The following PLCH1 variants were observed in gnomAD, a reference collection of about 807,000 sequenced individuals.
PLCH1 encodes phospholipase C eta 1.
A neutral mutation model predicts 126.7 loss-of-function variants in PLCH1; 60 were observed. The ratio of observed to expected loss-of-function variants is 0.47; its 90% CI spans 0.38 to 0.59. PLCH1 has a LOEUF of 0.59. Ranked by LOEUF, PLCH1 falls within the 20% of genes least tolerant of loss-of-function variation. The probability of loss-of-function intolerance (pLI) is 0.00; values close to 1 mark genes in which losing one functional copy is unlikely to be tolerated. For synonymous variants in PLCH1, 719 were observed against 734.9 expected (o/e 0.98, Z 0.35); for missense variants, 1,723 against 2,040.0 (o/e 0.84, Z 2.99).
At chr3:155,653,146 GAT>G (rs1157002832) in intron 2 of PLCH1, among the ~76,000 whole-genome samples, 2 of 89,922 alleles carry the variant, frequency 2.2e-5, no homozygotes, top group African/African-American at 9.5e-5. Flanking sequence ...TATAGATATA[GAT>G]ATAGATATAG....
At chr3:155,630,872 T>C (rs561091069) in intron 2 of PLCH1, among the ~76,000 whole-genome samples, 2 of 152,306 alleles carry the variant, frequency 1.3e-5, no homozygotes, top group South Asian at 4.1e-4. Flanking sequence ...TAATATCCTA[T>C]GTACCCAAAA....
At chr3:155,568,589 A>G (rs1041123748) in intron 6 of PLCH1, among the ~76,000 whole-genome samples, 2 of 152,228 alleles carry the variant, frequency 1.3e-5, no homozygotes, top group Non-Finnish European at 2.9e-5. Flanking sequence ...AAATAAAATC[A>G]GTTATCAATG....
intron 10 of PLCH1, among the ~76,000 whole-genome samples, chr3:155,532,386 C>T (rs939951182): frequency 6.6e-6 from 1 of 152,132 alleles, no homozygotes; most frequent in Non-Finnish European, 1.5e-5. Flanking sequence ...AGGGAAGATC[C>T]ACCCTCGAAA....
intron 10 of PLCH1, among the ~76,000 whole-genome samples, chr3:155,531,836 C>G (rs991249349): frequency 2.0e-5 from 3 of 152,188 alleles, no homozygotes; most frequent in Non-Finnish European, 4.4e-5. Flanking sequence ...CCTCTCTCAG[C>G]CTTCACAAAA....
At position 155,480,073 on chromosome 3, in the gene PLCH1, T is replaced by C. The variant is rs1470295479; in HGVS notation, c.*895A>G. The C allele has an allele frequency of 6.6e-6, 1 of 152,618 alleles. No individual in the cohort carries two copies. Among genetic ancestry groups the C allele is most frequent in the East Asian group, 1.9e-4 (1 of 5,192 alleles). The allele number at this position is 152,618 out of a possible 1,614,324, so 9.5% of individuals were successfully genotyped here. ...CCTGAAGGAAAAGGGTTTCTTCTAA[T>C]TATCTGTTCACTTGGATTTTATTAT... is the stretch of plus-strand genomic sequence containing the variant. On this transcript the variant is annotated 3_prime_UTR_variant, in exon 23 of 23. Transcript: ENST00000460012.
chr3:155,676,380 T>C (rs1744089353), intron 2 of PLCH1: 1 of 1,037,228 alleles, frequency 9.6e-7, no homozygotes. Flanking sequence ...GAGACATGCA[T>C]GCTTCGTGCA....
chr3:155,523,857 C>A, intron 11 of PLCH1, 40 bp downstream of exon 11: 1 of 1,137,118 alleles, frequency 8.8e-7, no homozygotes, highest in Non-Finnish European at 1.3e-6. Flanking sequence ...TTTAATACAG[C>A]ATATCAAGGA....
intron 11 of PLCH1, among the ~76,000 whole-genome samples, chr3:155,521,902 C>G (rs1428464891): frequency 2.6e-5 from 4 of 152,112 alleles, no homozygotes; most frequent in African/African-American, 9.7e-5. Flanking sequence ...CCAAAGAATC[C>G]AAATGAAAGA....
At chr3:155,601,190 T>G (rs952465846) in intron 2 of PLCH1, among the ~76,000 whole-genome samples, 4 of 152,086 alleles carry the variant, frequency 2.6e-5, no homozygotes, top group East Asian at 1.9e-4. Flanking sequence ...TGTTAGCCAG[T>G]ATGGTCTTGA....
chr3:155,499,056 G>A (rs1329574307), intron 14 of PLCH1, among the ~76,000 whole-genome samples: 1 of 152,202 alleles, frequency 6.6e-6, no homozygotes, highest in African/African-American at 2.4e-5. Context: ...CCGTACTCTA[G>A]GCAACAGAAA....
rs60805589 is a variant in PLCH1, at chr3:155,724,813, TTGTGTGTGTGTGTG to T, written c.-41+20013_-41+20026del. ...TGTTGCCTGAATACCTTGGGGGGTT[TTGTGTGTGTGTGTG>T]TGTGTGTGTGTGTGTGTGTGTGTGT... is the stretch of plus-strand genomic sequence containing the variant. On this transcript the variant is annotated intron_variant, in intron 1 of 22. Transcript: ENST00000460012. 1.4e-4 allele frequency among the ~76,000 whole-genome samples: 20 copies of T among 140,158 alleles called. No homozygotes were observed. The South Asian group carries it at 1.6e-3, about 11-fold the overall frequency. The allele number at this position is 140,158 out of a possible 152,430, so 91.9% of individuals were successfully genotyped here.
chr3:155,475,513 G>T (rs1474526359), downstream of PLCH1, among the ~76,000 whole-genome samples: 1 of 151,502 alleles, frequency 6.6e-6, no homozygotes, highest in African/African-American at 2.4e-5. Context: ...AATTACAAAG[G>T]ATCAATAAAA....
intron 2 of PLCH1, among the ~76,000 whole-genome samples, chr3:155,679,205 C>T (rs1577308466): frequency 6.6e-6 from 1 of 152,280 alleles, no homozygotes; most frequent in East Asian, 1.9e-4. Context: ...AAGTATGTCC[C>T]ATGATATACT....
At chr3:155,671,721 A>G (rs1266994295) in intron 2 of PLCH1, among the ~76,000 whole-genome samples, 1 of 152,192 alleles carries the variant, frequency 6.6e-6, no homozygotes, top group African/African-American at 2.4e-5. Context: ...TACAGTAACC[A>G]AAGAGGACAT....
chr3:155,647,428 A>G (rs1029752860), intron 2 of PLCH1, among the ~76,000 whole-genome samples: 2 of 151,698 alleles, frequency 1.3e-5, no homozygotes, highest in African/African-American at 2.4e-5. Flanking sequence ...ACACTTCCTC[A>G]ACCTCTTTCT....
chr3:155,527,962 G>A, intron 10 of PLCH1, among the ~76,000 whole-genome samples: 1 of 150,410 alleles, frequency 6.6e-6, no homozygotes. Context: ...AGTGGCTCCT[G>A]CCTGTAATCC....
At chr3:155,574,995 G>A in intron 6 of PLCH1, among the ~76,000 whole-genome samples, 1 of 152,030 alleles carries the variant, frequency 6.6e-6, no homozygotes, top group East Asian at 1.9e-4. Flanking sequence ...GCCAGGTATG[G>A]TGGCGGGCAC....
intron 1 of PLCH1, among the ~76,000 whole-genome samples, chr3:155,744,008 T>TC (rs1340965767): frequency 1.6e-5 from 2 of 121,880 alleles, no homozygotes; most frequent in Non-Finnish European, 4.0e-5. Flanking sequence ...AAAAGTTGGG[T>TC]TTTTTTTTTT....
rs1270520370 is a variant in PLCH1 at position 155,482,970 on chromosome 3, G to A, written c.3056C>T (p.Ser1019Phe). 6.2e-7 allele frequency: 1 copy of A among 1,613,784 alleles called. No individual in the cohort carries two copies. Among genetic ancestry groups the A allele is most frequent in the Non-Finnish European group, 8.5e-7 (1 of 1,179,686 alleles). Residue 1019 changes from serine (S) to phenylalanine (F), a missense_variant, in exon 23 of 23, where the codon TCC becomes TTC. Around this residue, in one of 2 missense-constraint regions of PLCH1, gnomAD observed 947 missense variants for 977.1 expected, o/e 0.97. Coordinates refer to ENST00000460012, the MANE Select transcript of PLCH1 (RefSeq NM_014996.4). ...TTTGTGGAGCAGAGCACTGGAGGAG[G>A]ATGATAACTTTTTGTTGAAATTTAG... ...HFLNFNKKLS[S>F]SSSALLHKDT...
Sources: gnomAD v4.1 joint callset for allele counts (sites outside exome capture counted in the v4.1 genomes callset) on GRCh38, gnomAD v4.1.1 for gene constraint, gnomAD v4.1.1 regional missense constraint, MANE v1.5 for transcripts, NCBI Gene and HGNC (gene_info 2026-07-23, HGNC 2026-07-21) for gene names.